ZBTB20: variants seen among roughly 807,000 people sequenced by gnomAD.
ZBTB20 encodes zinc finger and BTB domain-containing protein 20.
In ZBTB20, 9 loss-of-function variants were observed where a neutral mutation model predicts 56.9. The observed-to-expected ratio is 0.16, with a 90% CI of 0.10 to 0.28. The LOEUF (loss-of-function observed/expected upper bound fraction) is 0.28, where lower values mean the gene tolerates loss of function less well. Ranked by LOEUF, ZBTB20 falls within the 10% of genes least tolerant of loss-of-function variation. ZBTB20 has a pLI of 1.00. For missense variants in ZBTB20, 655 were observed against 1,003.0 expected (o/e 0.65, Z 4.69); for synonymous variants, 417 against 420.7 (o/e 0.99, Z 0.11).
At chr3:114,833,643 C>A (rs2073969170) in intron 4 of ZBTB20, among the ~76,000 whole-genome samples, 1 of 151,930 alleles carries the variant, frequency 6.6e-6, no homozygotes, top group Middle Eastern at 3.4e-3. Context: ...AATCCTCCTG[C>A]CCCAGCCTTC....
chr3:114,787,687 G>A (rs2070658690), intron 5 of ZBTB20, among the ~76,000 whole-genome samples: 1 of 151,782 alleles, frequency 6.6e-6, no homozygotes. Flanking sequence ...TCATAGAACT[G>A]TATACCAAGA....
At chr3:114,503,646 A>G (rs2044262478) in intron 6 of ZBTB20, among the ~76,000 whole-genome samples, 1 of 152,184 alleles carries the variant, frequency 6.6e-6, no homozygotes, top group Non-Finnish European at 1.5e-5. Context: ...CAAAGCATAA[A>G]TATATCTAGC....
chr3:115,046,116 C>A (rs968315411), intron 2 of ZBTB20, among the ~76,000 whole-genome samples: 1 of 152,054 alleles, frequency 6.6e-6, no homozygotes, highest in South Asian at 2.1e-4. Context: ...ATACTGAATT[C>A]GAGATGGCTC....
chr3:114,826,009 G>T (rs2073504854), intron 4 of ZBTB20, among the ~76,000 whole-genome samples: 2 of 151,704 alleles, frequency 1.3e-5, no homozygotes. Context: ...AGTAGGAAAA[G>T]AACTGGGAAT....
chr3:114,564,138 A>T (rs528742999), intron 6 of ZBTB20, among the ~76,000 whole-genome samples: 41 of 151,982 alleles, frequency 2.7e-4, no homozygotes, highest in African/African-American at 9.2e-4. Flanking sequence ...TCTCTCTCTG[A>T]CCTCTGCTTC....
Position 114,982,882 on chromosome 3 carries a change from C to G in ZBTB20, c.-506-8466G>C, listed in dbSNP as rs986061814. Among the ~76,000 whole-genome samples, 4 of 151,922 alleles carry G rather than the reference C, an allele frequency of 2.6e-5. No homozygotes were observed. The South Asian group carries it at 8.3e-4, about 32-fold the overall frequency. ...AGAAATTCATTTCAATGCAGCCAAG[C>G]TAGGCTGGGAATGAGAACCTGGTTT... On this transcript the variant is annotated intron_variant, in intron 2 of 11. Coordinates refer to ENST00000675478, the MANE Select transcript of ZBTB20 (RefSeq NM_001348800.3).
At chr3:114,875,097 A>C (rs2076145352) in intron 4 of ZBTB20, among the ~76,000 whole-genome samples, 2 of 151,426 alleles carry the variant, frequency 1.3e-5, no homozygotes, top group African/African-American at 4.9e-5. Context: ...TGCCGTGACT[A>C]CCCCCATCTA....
At chr3:114,865,942 C>T (rs890812955) in intron 4 of ZBTB20, among the ~76,000 whole-genome samples, 1 of 152,068 alleles carries the variant, frequency 6.6e-6, no homozygotes, top group Non-Finnish European at 1.5e-5. Context: ...ATGAGATAGC[C>T]AAGATTTGAA....
intron 6 of ZBTB20, among the ~76,000 whole-genome samples, chr3:114,581,009 T>C (rs2054588105): frequency 1.3e-5 from 2 of 151,732 alleles, no homozygotes; most frequent in Middle Eastern, 6.8e-3. Context: ...AGGAACAAGG[T>C]AGAGAGACTT....
intron 10 of ZBTB20, among the ~76,000 whole-genome samples, chr3:114,361,335 T>C (rs2081857050): frequency 6.6e-6 from 1 of 152,246 alleles, no homozygotes; most frequent in Non-Finnish European, 1.5e-5. Flanking sequence ...CCCATGAACC[T>C]TATTCAAACT....
Position 114,695,629 on chromosome 3 carries a change from A to G in ZBTB20, c.-342-2054T>C, listed in dbSNP as rs144779951. Among the ~76,000 whole-genome samples the G allele has an allele frequency of 1.7e-3, 258 of 151,166 alleles. 2 individuals carry two copies. Among genetic ancestry groups the G allele is most frequent in the South Asian group, 0.01 (49 of 4,802 alleles). On this transcript the variant is annotated intron_variant, in intron 5 of 11. Transcript: ENST00000675478. ...TTTGTGTTCTAAGTTTTTTTTTTTT[A>G]AATTTAAACAACCCATTTGAAAATT... is the stretch of plus-strand genomic sequence containing the variant.
intron 10 of ZBTB20, 41 bp downstream of exon 10, chr3:114,380,176 C>G (rs1417259067): frequency 6.7e-7 from 1 of 1,493,780 alleles, no homozygotes; most frequent in Non-Finnish European, 8.9e-7. Context: ...AGCACTACTC[C>G]AAGCACTGCA....
chr3:114,884,170 C>A (rs2076517310), intron 4 of ZBTB20, among the ~76,000 whole-genome samples: 1 of 151,500 alleles, frequency 6.6e-6, no homozygotes, highest in Non-Finnish European at 1.5e-5. Context: ...CGTGATCCGC[C>A]CGCCTCGGCC....
At chr3:114,791,886 T>TA (rs2070983759) in intron 5 of ZBTB20, 1 of 152,184 alleles carries the variant, frequency 6.6e-6, no homozygotes, top group Non-Finnish European at 1.5e-5. Context: ...CTTCATTCTG[T>TA]ATTCAGTGTC....
intron 3 of ZBTB20, among the ~76,000 whole-genome samples, chr3:114,907,293 A>G (rs542073398): frequency 3.9e-5 from 6 of 151,968 alleles, no homozygotes; most frequent in Admixed American, 1.3e-4. Context: ...GGTACCAAAA[A>G]TACTTCATCG....
At chr3:114,695,697 A>G (rs987389113) in intron 5 of ZBTB20, among the ~76,000 whole-genome samples, 1 of 152,050 alleles carries the variant, frequency 6.6e-6, no homozygotes, top group Non-Finnish European at 1.5e-5. Flanking sequence ...CTACACATTT[A>G]AAAAGCTTTG....
chr3:114,458,677 G>A (rs979327867), intron 7 of ZBTB20, among the ~76,000 whole-genome samples: 2 of 151,540 alleles, frequency 1.3e-5, no homozygotes, highest in Admixed American at 6.6e-5. Flanking sequence ...CTGAACGTAC[G>A]GGTTTTCAGT....
intron 1 of ZBTB20, among the ~76,000 whole-genome samples, chr3:115,077,562 C>G (rs1478500395): frequency 6.6e-6 from 1 of 152,140 alleles, no homozygotes; most frequent in African/African-American, 2.4e-5. Context: ...CTTAGAGCAG[C>G]CCAGACTAAG....
chr3:114,767,489 A>T (rs2068862736), intron 5 of ZBTB20, among the ~76,000 whole-genome samples: 1 of 151,870 alleles, frequency 6.6e-6, no homozygotes, highest in South Asian at 2.1e-4. Flanking sequence ...TTATGAAGAG[A>T]AATATTGAAA....
Sources: gnomAD v4.1 joint callset for allele counts (sites outside exome capture counted in the v4.1 genomes callset) on GRCh38, gnomAD v4.1.1 for gene constraint, MANE v1.5 for transcripts, NCBI Gene and HGNC (gene_info 2026-07-23, HGNC 2026-07-21) for gene names.